The following CIC variants were observed in gnomAD, a reference collection of about 807,000 sequenced individuals.
The protein encoded by CIC is protein capicua homolog.
CIC carries 18 observed loss-of-function variants against 115.7 expected under a neutral mutation model. The observed-to-expected ratio is 0.16, with a 90% CI of 0.11 to 0.23. CIC has a LOEUF of 0.23. Among genes scored for constraint, CIC ranks in the 10% least tolerant of loss-of-function variants. CIC has a pLI of 1.00. For synonymous variants in CIC, 1,076 were observed against 923.0 expected, an observed-to-expected ratio of 1.17 and a Z score of -3.01; for missense variants, 2,000 against 2,159.3, an observed-to-expected ratio of 0.93 and a Z score of 1.46.
intron 19 of CIC, 126 bp downstream of exon 19, chr19:42,294,430 G>C: frequency 6.4e-7 from 1 of 1,558,874 alleles, no homozygotes; most frequent in South Asian, 1.1e-5. Flanking sequence ...CAGCCTGTCA[G>C]TGGTGGGTTC....
In CIC at chr19:42,292,169, C is replaced by T. The variant is rs1036921391; in HGVS notation, c.5697C>T (p.Thr1899=). 6.2e-7 allele frequency: 1 copy of T among 1,613,920 alleles called. No individual in the cohort carries two copies. Residue 1899 remains threonine (T), a synonymous_variant, in exon 13 of 21, where the codon ACC becomes ACT. Transcript: ENST00000681038. ...PLSPATLPGP[T]SQPQKVLLPS... Reference sequence around the variant, plus strand: ...GCCCAGCCACACTCCCTGGACCCACCTCTCAGCCTCAGAAGGTCCTGTTGC... The same window carrying T: ...GCCCAGCCACACTCCCTGGACCCACTTCTCAGCCTCAGAAGGTCCTGTTGC...
rs1052483785 is a variant in CIC, at chr19:42,290,310, C to A, written c.4269C>A (p.Pro1423=). 3 of 1,613,978 alleles carry A rather than the reference C, an allele frequency of 1.9e-6. No individual in the cohort carries two copies. The African/African-American group carries it at 4.0e-5, about 22-fold the overall frequency. Residue 1423 remains proline, a synonymous_variant, in exon 11 of 21, where the codon CCC becomes CCA. Transcript: ENST00000681038. The part of the protein sequence containing the change: ...THCRPPLDPE[P]PGPPDPPVAF... Reference sequence around the variant, plus strand: ...GCCGCCCCCCACTGGACCCTGAGCCCCCAGGGCCCCCGGATCCTCCTGTAG... The same window carrying A: ...GCCGCCCCCCACTGGACCCTGAGCCACCAGGGCCCCCGGATCCTCCTGTAG...
At chr19:42,285,958 C>G (rs1453324100) in intron 2 of CIC, among the ~76,000 whole-genome samples, 1 of 152,238 alleles carries the variant, frequency 6.6e-6, no homozygotes, top group Admixed American at 6.5e-5. Flanking sequence ...TGTTACAATT[C>G]TCTCTTCTGG....
chr19:42,284,626 C>G (rs1461983275), intron 2 of CIC: 7 of 1,124,154 alleles, frequency 6.2e-6, no homozygotes, highest in Non-Finnish European at 7.5e-6. Flanking sequence ...CGGCGACGGC[C>G]GAGGAGCGGG....
rs373413573 is a variant in CIC, at chr19:42,271,156, G to A, written c.-10-618G>A. Among the ~76,000 whole-genome samples the A allele has an allele frequency of 5.2e-4, 79 of 152,336 alleles. 1 individual carries two copies. The highest frequency in any genetic ancestry group is 1.8e-3 in the African/African-American group (75 of 41,570). On this transcript the variant is annotated intron_variant, in intron 1 of 20. Transcript: ENST00000681038. ...TGACTTGGTACTTGTGCATGTGTGT[G>A]TGTGTCTGAGTGCATGTACTCTCTG...
rs2037518408 is a variant in CIC, at chr19:42,284,913, C to T, written c.2795-1858C>T. 6.4e-6 allele frequency: 5 copies of T among 777,334 alleles called. No individual in the cohort carries two copies. In the Admixed American group the frequency reaches 6.4e-5, roughly 10 times the overall value. The allele number at this position is 777,334 out of a possible 1,614,324, so 48.2% of individuals were successfully genotyped here. On this transcript the variant is annotated intron_variant, in intron 2 of 20. Coordinates refer to ENST00000681038, the MANE Select transcript of CIC (RefSeq NM_001386298.1). ...GACGGGGAAAGTTACGGAGCTCGGC[C>T]GGGCCGAGTGGTTAGTGATGGCAGG...
chr19:42,287,920 C>T lies in CIC; in HGVS notation c.3603C>T (p.His1201=), dbSNP rs764441944. 1 of 1,608,560 alleles carries T rather than the reference C, an allele frequency of 6.2e-7. No individual in the cohort carries two copies. Among genetic ancestry groups the T allele is most frequent in the Non-Finnish European group, 8.5e-7 (1 of 1,177,714 alleles). ...KPTSLGLAGG[H]KETRERSMSE... ...CGAGCCTGGGGCTGGCAGGAGGGCA[C>T]AAGGAGACGCGGGAGCGGAGCATGT... The change falls in exon 7 of 21, where the codon CAC becomes CAT. Residue 1201 remains histidine, a synonymous_variant. Transcript: ENST00000681038. This position sits in a 1 kb window ranked among gnomAD's most constrained non-coding sequence, Gnocchi z 8.7.
chr19:42,291,764 C>G lies in CIC; in HGVS notation c.5613+19C>G, dbSNP rs752608380. 5.6e-6 allele frequency: 9 copies of G among 1,612,688 alleles called. No individual in the cohort carries two copies. The highest frequency in any genetic ancestry group is 4.0e-5 in the African/African-American group (3 of 74,914). ...CAGCAAGGTGAGGGCCTGCCTTTCTCTCTACCTGCTGGATGTTGGCCCCTG... is the reference window on the plus strand; with the variant it reads ...CAGCAAGGTGAGGGCCTGCCTTTCTGTCTACCTGCTGGATGTTGGCCCCTG... On this transcript the variant is annotated intron_variant, in intron 12 of 20. Coordinates refer to ENST00000681038, the MANE Select transcript of CIC (RefSeq NM_001386298.1).
At chr19:42,288,795 C>T (rs2037852606) in intron 7 of CIC, 93 bp from the exon 8 acceptor site, 4 of 1,163,522 alleles carry the variant, frequency 3.4e-6, no homozygotes, top group African/African-American at 1.5e-5. Flanking sequence ...CCTGCTTCTG[C>T]CTAGTACCTA....
In CIC at chr19:42,291,176, A is replaced by G. The variant is rs200549620; in HGVS notation, c.5135A>G (p.Asn1712Ser). The change falls in exon 11 of 21, where the codon AAT becomes AGT. Residue 1712 changes from asparagine (N) to serine (S), a missense_variant. Asn to Ser is a conservative substitution (Grantham distance 46). Coordinates refer to ENST00000681038, the MANE Select transcript of CIC (RefSeq NM_001386298.1). ...GGAGCAGGTGCTGGGAGTGGCCCCA[A>G]TGGGCCAGTACCCCTGGGCATCCTG... ...GSGAGAGSGPNGPVPLGILQP... is the reference protein window; with the variant it reads ...GSGAGAGSGPSGPVPLGILQP... 2.1e-5 allele frequency: 34 copies of G among 1,608,494 alleles called. No homozygotes were observed. In the African/African-American group the frequency reaches 2.4e-4, roughly 11 times the overall value.
At position 42,292,111 on chromosome 19, in the gene CIC, T is replaced by A; in HGVS notation, c.5639T>A (p.Val1880Glu). ...ATCATCCAGCTGACCCCGGTGCCTG[T>A]GAGCACACCCAGCGGCCTGGTGCCG... is the stretch of plus-strand genomic sequence containing the variant. Reference protein sequence around the residue: ...SKIIQLTPVPVSTPSGLVPPL... With the variant: ...SKIIQLTPVPESTPSGLVPPL... Residue 1880 changes from valine to glutamate, a missense_variant, in exon 13 of 21, where the codon GTG becomes GAG. Physicochemically the swap from Val to Glu is moderately radical, Grantham distance 121. Transcript: ENST00000681038. The A allele has an allele frequency of 6.2e-7, 1 of 1,613,958 alleles. No homozygotes were observed. Among genetic ancestry groups the A allele is most frequent in the Non-Finnish European group, 8.5e-7 (1 of 1,180,004 alleles).
chr19:42,294,407 C>T (rs1205866876), intron 19 of CIC, 103 bp downstream of exon 19: 55 of 1,579,448 alleles, frequency 3.5e-5, no homozygotes, highest in Non-Finnish European at 4.2e-5. Flanking sequence ...TCCATCCAGG[C>T]TGGGAGGAAG....
intron 2 of CIC, among the ~76,000 whole-genome samples, chr19:42,283,611 G>C (rs2037368555): frequency 6.6e-6 from 1 of 152,136 alleles, no homozygotes; most frequent in South Asian, 2.1e-4. Flanking sequence ...CCAGCCCTAC[G>C]CGCAGTTTGT....
chr19:42,294,585 C>T lies in CIC; in HGVS notation c.7055-19C>T. On this transcript the variant is annotated intron_variant, in intron 19 of 20. Transcript: ENST00000681038. The stretch of plus-strand genomic sequence containing the variant: ...CTGCCGCTGCTGCAGCCTTGCCATG[C>T]TGCCTGTGCCCTGCACAGGTACAGA... 6.2e-7 allele frequency: 1 copy of T among 1,612,814 alleles called. No individual in the cohort carries two copies. The highest frequency in any genetic ancestry group is 8.5e-7 in the Non-Finnish European group (1 of 1,179,886).
chr19:42,289,144 C>G, intron 8 of CIC, 37 bp from the exon 9 acceptor site: 1 of 1,613,056 alleles, frequency 6.2e-7, no homozygotes, highest in Non-Finnish European at 8.5e-7. Context: ...TCCAGGGCAG[C>G]AGCCCCGCTG....
At chr19:42,269,649 A>C (rs944168342) in intron 1 of CIC, among the ~76,000 whole-genome samples, 1 of 150,434 alleles carries the variant, frequency 6.6e-6, no homozygotes, top group Non-Finnish European at 1.5e-5. Flanking sequence ...ACAGAGTTGG[A>C]GAGTGTGACA....
intron 2 of CIC, among the ~76,000 whole-genome samples, chr19:42,285,869 G>C (rs1157637209): frequency 6.6e-6 from 1 of 152,260 alleles, no homozygotes; most frequent in East Asian, 1.9e-4. Context: ...CCTGGGACCA[G>C]CCTCTTGGTG....
chr19:42,284,742 G>A (rs778154824), intron 2 of CIC: 5 of 1,557,702 alleles, frequency 3.2e-6, no homozygotes, highest in Non-Finnish European at 4.3e-6. Flanking sequence ...CCCGCGTCCA[G>A]CGCGGCCTCC....
chr19:42,284,663 G>A, intron 2 of CIC: 4 of 1,487,978 alleles, frequency 2.7e-6, no homozygotes, highest in Non-Finnish European at 3.6e-6. Context: ...GTCGGCCGCT[G>A]AGGAGGTGCG....
Sources: gnomAD v4.1 joint callset for allele counts (sites outside exome capture counted in the v4.1 genomes callset) on GRCh38, gnomAD v4.1.1 for gene constraint, Gnocchi (gnomAD v3.1) non-coding constraint, MANE v1.5 for transcripts, NCBI Gene and HGNC (gene_info 2026-07-23, HGNC 2026-07-21) for gene names.